Variants in APBA2 observed in about 807,000 individuals in gnomAD.
The protein encoded by APBA2 is amyloid beta precursor protein binding family A member 2, also known as amyloid-beta A4 precursor protein-binding family A member 2.
In APBA2, 30 loss-of-function variants were observed where a neutral mutation model predicts 75.0. The observed-to-expected ratio is 0.40, with a 90% CI of 0.30 to 0.54. The LOEUF (loss-of-function observed/expected upper bound fraction) is 0.54. APBA2 is among the 20% of genes least tolerant of loss of function. The pLI is 0.49. For synonymous variants in APBA2, 444 were observed against 409.6 expected, an observed-to-expected ratio of 1.08 and a Z score of -1.01; for missense variants, 801 against 1,016.1, an observed-to-expected ratio of 0.79 and a Z score of 2.88.
chr15:28,950,010 C>G (rs1391953506), intron 2 of APBA2, among the ~76,000 whole-genome samples: 2 of 152,136 alleles, frequency 1.3e-5, no homozygotes, highest in African/African-American at 4.8e-5. Flanking sequence ...GTCCCAGGAG[C>G]CTGTCCAGGC....
At chr15:28,985,516 G>A (rs1188171085) in intron 2 of APBA2, among the ~76,000 whole-genome samples, 1 of 152,212 alleles carries the variant, frequency 6.6e-6, no homozygotes, top group Non-Finnish European at 1.5e-5. Flanking sequence ...TAGGTGTTAC[G>A]GTGATGTCTG....
intron 2 of APBA2, among the ~76,000 whole-genome samples, chr15:28,945,884 G>C (rs571719442): frequency 6.6e-6 from 1 of 152,162 alleles, no homozygotes; most frequent in Non-Finnish European, 1.5e-5. Flanking sequence ...GTTTACAGCC[G>C]TCTTAGATAG....
At chr15:28,887,152 C>A (rs1200704743) in intron 1 of APBA2, among the ~76,000 whole-genome samples, 1 of 152,212 alleles carries the variant, frequency 6.6e-6, no homozygotes, top group East Asian at 1.9e-4. Context: ...TATTCAGATA[C>A]GACCTGGCAG....
intron 2 of APBA2, among the ~76,000 whole-genome samples, chr15:28,960,187 G>A (rs1283687251): frequency 2.0e-5 from 3 of 150,088 alleles, no homozygotes; most frequent in African/African-American, 7.4e-5. Flanking sequence ...GAGACTGGGC[G>A]AAGTGGCTCG....
At chr15:28,933,050 G>T (rs1349079351) in intron 2 of APBA2, among the ~76,000 whole-genome samples, 4 of 152,148 alleles carry the variant, frequency 2.6e-5, no homozygotes, top group Non-Finnish European at 5.9e-5. Flanking sequence ...GCGAGAGAGG[G>T]AAGGGGGCCA....
intron 3 of APBA2, among the ~76,000 whole-genome samples, chr15:29,030,235 G>A (rs912187691): frequency 2.6e-5 from 4 of 152,130 alleles, no homozygotes; most frequent in South Asian, 2.1e-4. Context: ...AGAGGCAGGC[G>A]GATCACGAAA....
chr15:29,020,825 A>T (rs2039916595), intron 3 of APBA2, among the ~76,000 whole-genome samples: 1 of 152,190 alleles, frequency 6.6e-6, no homozygotes, highest in Non-Finnish European at 1.5e-5. Context: ...AACAAAAGAC[A>T]AAACGACCTC....
At chr15:29,094,147 A>G in intron 7 of APBA2, 131 bp from the exon 8 acceptor site, 1 of 937,062 alleles carries the variant, frequency 1.1e-6, no homozygotes, top group Non-Finnish European at 1.7e-6. Context: ...ATGGCTGTCC[A>G]CCCGTCCCTG....
intron 9 of APBA2, among the ~76,000 whole-genome samples, chr15:29,098,836 C>T (rs2043980689): frequency 6.6e-6 from 1 of 152,142 alleles, no homozygotes; most frequent in African/African-American, 2.4e-5. Context: ...CCTGCTTCCC[C>T]ACTCCCGGGT....
chr15:29,090,353 G>A (rs1035401368), intron 6 of APBA2, among the ~76,000 whole-genome samples: 1 of 152,204 alleles, frequency 6.6e-6, no homozygotes, highest in Non-Finnish European at 1.5e-5. Context: ...AGCTACTGAC[G>A]CTCACTTCAG....
intron 2 of APBA2, among the ~76,000 whole-genome samples, chr15:28,950,423 C>G (rs575825984): frequency 6.6e-6 from 1 of 151,842 alleles, no homozygotes; most frequent in Non-Finnish European, 1.5e-5. Context: ...GTCAGGAGAT[C>G]GAGACCATCT....
At chr15:29,077,574 C>T (rs1366805398) in intron 6 of APBA2, among the ~76,000 whole-genome samples, 2 of 152,170 alleles carry the variant, frequency 1.3e-5, no homozygotes, top group Non-Finnish European at 2.9e-5. Context: ...GACTCTAGCT[C>T]CTGGCATCCC....
At chr15:28,908,353 C>T (rs2033247488) in intron 1 of APBA2, among the ~76,000 whole-genome samples, 1 of 147,534 alleles carries the variant, frequency 6.8e-6, no homozygotes. Flanking sequence ...CTCTGTCGCC[C>T]AGGCTGGAGT....
chr15:28,915,108 TCACAC>T (rs2033612371), intron 1 of APBA2, among the ~76,000 whole-genome samples: 2 of 6,522 alleles, frequency 3.1e-4, no homozygotes, highest in African/African-American at 6.2e-4. Context: ...CATACCCACC[TCACAC>T]ACACCACACA....
At chr15:28,961,281 G>A (rs2036456133) in intron 2 of APBA2, 1 of 152,252 alleles carries the variant, frequency 6.6e-6, no homozygotes, top group Non-Finnish European at 1.5e-5. Flanking sequence ...TTTCTAGAAA[G>A]GGCCTAATGA....
intron 3 of APBA2, among the ~76,000 whole-genome samples, chr15:29,028,410 T>G (rs2040331720): frequency 6.6e-6 from 1 of 152,234 alleles, no homozygotes; most frequent in African/African-American, 2.4e-5. Context: ...CTTTCATTGA[T>G]GGGCATTTGG....
At chr15:28,927,593 T>A (rs1037547077) in intron 2 of APBA2, among the ~76,000 whole-genome samples, 1 of 151,772 alleles carries the variant, frequency 6.6e-6, no homozygotes, top group African/African-American at 2.4e-5. Context: ...ATTATTTTTT[T>A]ATTTTTATTT....
At chr15:29,044,664 G>A (rs767630268) in intron 3 of APBA2, among the ~76,000 whole-genome samples, 41 of 152,248 alleles carry the variant, frequency 2.7e-4, no homozygotes, top group Non-Finnish European at 4.1e-4. Context: ...CAAAGACAGC[G>A]TCAAAGGGTC....
chr15:29,081,758 T>G (rs2043092157), intron 6 of APBA2, among the ~76,000 whole-genome samples: 1 of 152,220 alleles, frequency 6.6e-6, no homozygotes. Flanking sequence ...CAGCACAGGA[T>G]CGGTTGAGTG....
Sources: allele counts gnomAD v4.1 joint callset (sites outside exome capture counted in the v4.1 genomes callset), GRCh38; gene constraint gnomAD v4.1.1; transcripts MANE v1.5; gene names NCBI Gene and HGNC (gene_info 2026-07-23, HGNC 2026-07-21).